Variants in MRPL54 observed in about 807,000 individuals in gnomAD.
MRPL54 encodes large ribosomal subunit protein mL54.
MRPL54 carries 12 observed loss-of-function variants against 15.6 expected under a neutral mutation model. That is an observed-to-expected ratio of 0.77 (90% confidence interval 0.49 to 1.24). The LOEUF (loss-of-function observed/expected upper bound fraction) is 1.24, where lower values mean the gene tolerates loss of function less well. Ranked by LOEUF, MRPL54 falls within the 50% of genes most tolerant of loss-of-function variation. The probability of loss-of-function intolerance (pLI) is 0.00; values close to 1 mark genes in which losing one functional copy is unlikely to be tolerated. For missense variants in MRPL54, 178 were observed against 186.8 expected, an observed-to-expected ratio of 0.95 and a Z score of 0.28; for synonymous variants, 91 against 75.7, an observed-to-expected ratio of 1.20 and a Z score of -1.05.
intron 1 of MRPL54, 94 bp from the exon 2 acceptor site, chr19:3,765,071 AG>A (rs1316415475): frequency 1.8e-5 from 23 of 1,285,864 alleles, no homozygotes; most frequent in Non-Finnish European, 2.4e-5. Flanking sequence ...GAGTCCAGCC[AG>A]GGGCAGAGGC....
At chr19:3,763,516 T>C (rs1385369418) in intron 1 of MRPL54, among the ~76,000 whole-genome samples, 3 of 152,060 alleles carry the variant, frequency 2.0e-5, no homozygotes, top group African/African-American at 7.2e-5. Context: ...GGCTCACACC[T>C]TTATTCCCGG....
At chr19:3,765,125 G>T in intron 1 of MRPL54, 41 bp from the exon 2 acceptor site, 1 of 1,571,958 alleles carries the variant, frequency 6.4e-7, no homozygotes, top group Non-Finnish European at 8.6e-7. Flanking sequence ...GCTTCCAGAG[G>T]AGGGGCTGGG....
At chr19:3,766,156 AAC>A (rs1406574949) in intron 2 of MRPL54, among the ~76,000 whole-genome samples, 2 of 149,078 alleles carry the variant, frequency 1.3e-5, no homozygotes, top group Non-Finnish European at 3.0e-5. Context: ...GGCTCACTGC[AAC>A]CTCCACCTCC....
chr19:3,765,426 G>A lies in MRPL54; in HGVS notation c.284+95G>A, dbSNP rs940009897. ...GAGAGGCGGATCGCCACTCCAGCCG[G>A]AGCCTAATAGTCACACCTACCCATC... is the stretch of plus-strand genomic sequence containing the variant. On this transcript the variant is annotated intron_variant, in intron 2 of 2. Coordinates refer to ENST00000330133, the MANE Select transcript of MRPL54 (RefSeq NM_172251.3). 2.2e-6 allele frequency: 3 copies of A among 1,388,958 alleles called. No homozygotes were observed. In the African/African-American group the frequency reaches 4.3e-5, roughly 20 times the overall value. The allele number at this position is 1,388,958 out of a possible 1,614,324, so 86.0% of individuals were successfully genotyped here.
intron 1 of MRPL54, among the ~76,000 whole-genome samples, chr19:3,763,634 C>T (rs2037172642): frequency 1.4e-5 from 2 of 146,130 alleles, no homozygotes; most frequent in South Asian, 4.3e-4. Flanking sequence ...AAAAAAATTG[C>T]CTGGCGCGGT....
intron 1 of MRPL54, among the ~76,000 whole-genome samples, chr19:3,764,373 G>A (rs763243052): frequency 8.7e-5 from 13 of 149,532 alleles, no homozygotes; most frequent in Non-Finnish European, 1.5e-4. Flanking sequence ...GTGAGCCGCC[G>A]CGCCCGGCCG....
chr19:3,762,997 T>C (rs763371106), intron 1 of MRPL54, among the ~76,000 whole-genome samples, 179 bp downstream of exon 1: 19 of 152,258 alleles, frequency 1.2e-4, no homozygotes, highest in Non-Finnish European at 2.4e-4. Flanking sequence ...CTCGGGCGTC[T>C]GGCTCGGAGA....
In MRPL54 at chr19:3,767,548, C is replaced by T; in HGVS notation, c.*155C>T. 9.6e-7 allele frequency: 1 copy of T among 1,039,294 alleles called. No homozygotes were observed. 64.4% of individuals were successfully genotyped at this position (1,039,294 alleles called of 1,614,324 possible). A position where few individuals can be genotyped will look rare whatever the true frequency, so the allele number is the denominator to read the frequency against. Reference sequence around the variant, plus strand: ...CAGGGCCCTGGAGGCCAATAAAGAGCTTTCTGGGTAGACCCTATTTCCCCT... The same window carrying T: ...CAGGGCCCTGGAGGCCAATAAAGAGTTTTCTGGGTAGACCCTATTTCCCCT... On this transcript the variant is annotated 3_prime_UTR_variant, in exon 3 of 3. Transcript: ENST00000330133.
intron 2 of MRPL54, among the ~76,000 whole-genome samples, chr19:3,766,026 C>G (rs1040803313): frequency 1.3e-5 from 2 of 151,892 alleles, no homozygotes; most frequent in African/African-American, 2.4e-5. Context: ...GTTCTCCTGC[C>G]TCAGCCTTCA....
chr19:3,766,872 G>A (rs546615608), intron 2 of MRPL54, among the ~76,000 whole-genome samples: 1 of 152,362 alleles, frequency 6.6e-6, no homozygotes, highest in African/African-American at 2.4e-5. Flanking sequence ...CTGGAGCACA[G>A]TGAGGAGGGC....
At chr19:3,763,372 C>T (rs1340803268) in intron 1 of MRPL54, among the ~76,000 whole-genome samples, 2 of 152,202 alleles carry the variant, frequency 1.3e-5, no homozygotes. Context: ...AGACACATAG[C>T]AGACAAAATA....
At chr19:3,763,889 G>A (rs1156770570) in intron 1 of MRPL54, among the ~76,000 whole-genome samples, 1 of 151,484 alleles carries the variant, frequency 6.6e-6, no homozygotes, top group Non-Finnish European at 1.5e-5. Context: ...TCCAGCCTGG[G>A]CGACACAGTG....
chr19:3,767,525 G>T lies in MRPL54; in HGVS notation c.*132G>T, dbSNP rs1444961810. 12 of 1,264,220 alleles carry T rather than the reference G, an allele frequency of 9.5e-6. No individual in the cohort carries two copies. Among genetic ancestry groups the T allele is most frequent in the African/African-American group, 1.5e-5 (1 of 64,976 alleles). The allele number at this position is 1,264,220 out of a possible 1,614,324, so 78.3% of individuals were successfully genotyped here. ...GTGACCCCACAGTGGGGCTGGACCA[G>T]GGCCCTGGAGGCCAATAAAGAGCTT... On this transcript the variant is annotated 3_prime_UTR_variant, in exon 3 of 3. Transcript: ENST00000330133.
chr19:3,765,628 G>C (rs1251082601), intron 2 of MRPL54, among the ~76,000 whole-genome samples: 1 of 152,050 alleles, frequency 6.6e-6, no homozygotes. Flanking sequence ...GCTGGGCGCC[G>C]TGGCTCACAC....
rs1813925482 is a variant in MRPL54, at chr19:3,767,516, GCTGGACCAGGGCC to G, written c.*129_*141del. 2.2e-6 allele frequency: 3 copies of G among 1,367,778 alleles called. No homozygotes were observed. Among genetic ancestry groups the G allele is most frequent in the African/African-American group, 1.5e-5 (1 of 67,386 alleles). The allele number at this position is 1,367,778 out of a possible 1,614,324, so 84.7% of individuals were successfully genotyped here. A position where few individuals can be genotyped will look rare whatever the true frequency, so the allele number is the denominator to read the frequency against. ...GGTTTCCATGTGACCCCACAGTGGG[GCTGGACCAGGGCC>G]CTGGAGGCCAATAAAGAGCTTTCTG... On this transcript the variant is annotated 3_prime_UTR_variant, in exon 3 of 3. Coordinates refer to ENST00000330133, the MANE Select transcript of MRPL54 (RefSeq NM_172251.3).
chr19:3,766,423 A>T, intron 2 of MRPL54, among the ~76,000 whole-genome samples: 1 of 152,116 alleles, frequency 6.6e-6, no homozygotes, highest in East Asian at 1.9e-4. Flanking sequence ...CATGTTGGCC[A>T]GGCTGGTCTT....
chr19:3,765,077 A>G (rs1031335007), intron 1 of MRPL54, 89 bp from the exon 2 acceptor site: 5 of 1,350,184 alleles, frequency 3.7e-6, no homozygotes, highest in Non-Finnish European at 5.0e-6. Context: ...AGCCAGGGGC[A>G]GAGGCCACCT....
chr19:3,762,914 T>C, intron 1 of MRPL54, 96 bp downstream of exon 1: 6 of 1,061,036 alleles, frequency 5.7e-6, no homozygotes, highest in Non-Finnish European at 8.0e-6. Context: ...CTAGAACTGA[T>C]GCGCAAGCGC....
chr19:3,764,713 G>C (rs1277293330), intron 1 of MRPL54, among the ~76,000 whole-genome samples: 1 of 151,394 alleles, frequency 6.6e-6, no homozygotes, highest in Admixed American at 6.6e-5. Context: ...ACTATGCCTG[G>C]CTGAGACCCT....
Sources: gnomAD v4.1 joint callset for allele counts (sites outside exome capture counted in the v4.1 genomes callset) on GRCh38, gnomAD v4.1.1 for gene constraint, MANE v1.5 for transcripts, NCBI Gene and HGNC (gene_info 2026-07-23, HGNC 2026-07-21) for gene names.